Variants in KAZN observed in about 807,000 individuals in gnomAD.
KAZN encodes the protein kazrin, periplakin interacting protein.
KAZN carries 40 observed loss-of-function variants against 87.4 expected under a neutral mutation model. The ratio of observed to expected loss-of-function variants is 0.46; its 90% CI spans 0.36 to 0.60. KAZN has a LOEUF of 0.60. Among genes scored for constraint, KAZN ranks in the 20% least tolerant of loss-of-function variants. The pLI, the probability that KAZN is intolerant of heterozygous loss-of-function variation, is 0.00. For synonymous variants in KAZN, 466 were observed against 458.3 expected, an observed-to-expected ratio of 1.02 and a Z score of -0.22; for missense variants, 898 against 1,073.9, an observed-to-expected ratio of 0.84 and a Z score of 2.29.
At chr1:14,818,651 A>G (rs1195277940) in intron 1 of KAZN, among the ~76,000 whole-genome samples, 1 of 152,212 alleles carries the variant, frequency 6.6e-6, no homozygotes, top group East Asian at 1.9e-4. Context: ...CCATTGGCCA[A>G]ACCCAAATGG....
intron 1 of KAZN, among the ~76,000 whole-genome samples, chr1:14,938,485 T>G (rs570441876): frequency 1.4e-5 from 2 of 145,222 alleles, no homozygotes; most frequent in South Asian, 4.3e-4. Flanking sequence ...GAGGTTGCAG[T>G]GAACCAAGAT....
rs1294162867 is a variant in KAZN, at chr1:14,598,725, G to C, written c.-273G>C. On this transcript the variant is annotated 5_prime_UTR_variant, in exon 1 of 15. Transcript: ENST00000376030. The surrounding 1 kb of genome is among the most constrained non-coding windows in gnomAD (Gnocchi z 4.2). ...CTCGGCGCCCGCCCGCCGGGGTCTC[G>C]GCGATCGCTGCTCCTCCTCCTCCTT... 2 of 1,318,492 alleles carry C rather than the reference G, an allele frequency of 1.5e-6. No individual in the cohort carries two copies. The highest frequency in any genetic ancestry group is 8.5e-5 in the Admixed American group (2 of 23,552). The allele number at this position is 1,318,492 out of a possible 1,614,324, so 81.7% of individuals were successfully genotyped here. A position where few individuals can be genotyped will look rare whatever the true frequency, so the allele number is the denominator to read the frequency against.
Position 14,470,338 on chromosome 1 carries a change from T to G in KAZN, c.250-128645T>G, listed in dbSNP as rs79210823. On this transcript the variant is annotated intron_variant, in intron 2 of 16. Coordinates refer to the KAZN transcript ENST00000636203. ...TTAGCACTTGGGGATAGCAACAAAT[T>G]ACCGGGGAAGGTAGTAAAAGGTGTG... Among the ~76,000 whole-genome samples, 300 of 152,238 alleles carry G rather than the reference T, an allele frequency of 2.0e-3. 1 individual carries two copies. Among genetic ancestry groups the G allele is most frequent in the African/African-American group, 5.7e-3 (238 of 41,552 alleles).
chr1:15,012,146 A>G (rs1256816003), intron 2 of KAZN, among the ~76,000 whole-genome samples: 7 of 152,184 alleles, frequency 4.6e-5, no homozygotes, highest in African/African-American at 9.7e-5. Context: ...ACAGAGGCCC[A>G]GAGAAATTAA....
chr1:14,961,190 T>C (rs1191099360), intron 2 of KAZN, among the ~76,000 whole-genome samples: 1 of 152,214 alleles, frequency 6.6e-6, no homozygotes, highest in South Asian at 2.1e-4. Flanking sequence ...GAGTCTCTCT[T>C]ACCCAGCACC....
intron 2 of KAZN, among the ~76,000 whole-genome samples, chr1:15,010,809 A>C (rs1573054347): frequency 6.6e-6 from 1 of 152,022 alleles, no homozygotes; most frequent in Admixed American, 6.6e-5. Context: ...AGTAGCTAGA[A>C]CCCTTCCATA....
chr1:14,311,567 G>A (rs1655302734), intron 2 of KAZN, among the ~76,000 whole-genome samples: 1 of 152,186 alleles, frequency 6.6e-6, no homozygotes, highest in African/African-American at 2.4e-5. Flanking sequence ...CAGGAAGTGT[G>A]TCAACAGGGC....
At chr1:14,757,363 C>T (rs1333473074) in intron 1 of KAZN, among the ~76,000 whole-genome samples, 1 of 152,122 alleles carries the variant, frequency 6.6e-6, no homozygotes, top group African/African-American at 2.4e-5. Flanking sequence ...CTACTGAAAC[C>T]GGAAGGAAAG....
intron 2 of KAZN, among the ~76,000 whole-genome samples, chr1:14,512,920 G>T: frequency 6.6e-6 from 1 of 152,138 alleles, no homozygotes; most frequent in East Asian, 1.9e-4. Context: ...GAGAAGTAGC[G>T]TCCCTCTCTT....
At chr1:14,808,541 AC>A (rs538322107) in intron 1 of KAZN, among the ~76,000 whole-genome samples, 193 of 150,906 alleles carry the variant, frequency 1.3e-3, no homozygotes, top group Non-Finnish European at 2.3e-3. Context: ...CAAGTGATCC[AC>A]CCACCTCAGC....
At chr1:14,370,385 GCTCAGCCC>G (rs566837380) in intron 2 of KAZN, among the ~76,000 whole-genome samples, 2 of 152,304 alleles carry the variant, frequency 1.3e-5, no homozygotes, top group South Asian at 4.1e-4. Context: ...GCAGCAAGCT[GCTCAGCCC>G]CTGAGTATCA....
intron 1 of KAZN, among the ~76,000 whole-genome samples, chr1:13,943,724 T>C (rs1395888808): frequency 1.3e-5 from 2 of 151,694 alleles, no homozygotes; most frequent in African/African-American, 4.8e-5. Context: ...ACAAATAATA[T>C]ATATAAATAA....
intron 1 of KAZN, among the ~76,000 whole-genome samples, chr1:13,963,506 C>T (rs980886476): frequency 4.6e-5 from 7 of 152,120 alleles, no homozygotes; most frequent in African/African-American, 1.7e-4. Flanking sequence ...ACAGCATCTT[C>T]TATACACTGG....
intron 2 of KAZN, among the ~76,000 whole-genome samples, chr1:14,264,110 G>A (rs1475604975): frequency 6.6e-6 from 1 of 152,238 alleles, no homozygotes; most frequent in Non-Finnish European, 1.5e-5. Flanking sequence ...GGTACAGTGT[G>A]AGTCAGCTGG....
intron 1 of KAZN, among the ~76,000 whole-genome samples, chr1:13,924,299 A>C (rs957016564): frequency 1.3e-5 from 2 of 152,208 alleles, no homozygotes; most frequent in African/African-American, 4.8e-5. Flanking sequence ...ATTTTAAATA[A>C]TTTTTTGATG....
At chr1:14,810,560 C>T (rs761862614) in intron 1 of KAZN, among the ~76,000 whole-genome samples, 11 of 152,178 alleles carry the variant, frequency 7.2e-5, no homozygotes, top group Non-Finnish European at 1.5e-4. Flanking sequence ...TCTAGACACT[C>T]TGATGGACAT....
chr1:14,598,691 G>A lies in KAZN; in HGVS notation c.-307G>A. 2 of 1,302,168 alleles carry A rather than the reference G, an allele frequency of 1.5e-6. No homozygotes were observed. Among genetic ancestry groups the A allele is most frequent in the East Asian group, 3.3e-5 (1 of 30,368 alleles). 80.7% of individuals were successfully genotyped at this position (1,302,168 alleles called of 1,614,324 possible). A position where few individuals can be genotyped will look rare whatever the true frequency, so the allele number is the denominator to read the frequency against. On this transcript the variant is annotated 5_prime_UTR_variant, in exon 1 of 15. Coordinates refer to ENST00000376030, the MANE Select transcript of KAZN (RefSeq NM_201628.3). This position sits in a 1 kb window ranked among gnomAD's most constrained non-coding sequence, Gnocchi z 4.2. ...CCTGGTGGCGCGCGGTGTCCTTCTT[G>A]GAGCAGCTCTCGGCGCCCGCCCGCC... is the stretch of plus-strand genomic sequence containing the variant.
At chr1:14,764,986 A>T (rs1422488971) in intron 1 of KAZN, among the ~76,000 whole-genome samples, 1 of 152,164 alleles carries the variant, frequency 6.6e-6, no homozygotes, top group Non-Finnish European at 1.5e-5. Flanking sequence ...CAGGCTTGGA[A>T]CCCAGTTTTC....
chr1:14,681,049 A>G (rs1303446948), intron 1 of KAZN, among the ~76,000 whole-genome samples: 1 of 152,144 alleles, frequency 6.6e-6, no homozygotes, highest in African/African-American at 2.4e-5. Flanking sequence ...GAGGTGGCAC[A>G]CATTTCAAGC....
Sources: gnomAD v4.1 joint callset for allele counts (sites outside exome capture counted in the v4.1 genomes callset) on GRCh38, gnomAD v4.1.1 for gene constraint, Gnocchi (gnomAD v3.1) non-coding constraint, MANE v1.5 for transcripts, NCBI Gene and HGNC (gene_info 2026-07-23, HGNC 2026-07-21) for gene names.